The following KCNT2 variants were observed in gnomAD, a reference collection of about 807,000 sequenced individuals.
The protein encoded by KCNT2 is potassium channel subfamily T member 2.
A neutral mutation model predicts 153.8 loss-of-function variants in KCNT2; 67 were observed. That is an observed-to-expected ratio of 0.44 (90% CI 0.36 to 0.53). The LOEUF (loss-of-function observed/expected upper bound fraction) is 0.53, where lower values mean the gene tolerates loss of function less well. KCNT2 is among the 20% of genes least tolerant of loss of function. The probability of loss-of-function intolerance (pLI) is 0.00; values close to 1 mark genes in which losing one functional copy is unlikely to be tolerated. For synonymous variants in KCNT2, 500 were observed against 458.8 expected (o/e 1.09, Z -1.15); for missense variants, 975 against 1,354.8 (o/e 0.72, Z 4.40).
intron 25 of KCNT2, 32 bp from the exon 26 acceptor site, chr1:196,258,526 A>G (rs767241096): frequency 1.5e-6 from 2 of 1,292,324 alleles, no homozygotes; most frequent in Middle Eastern, 3.8e-4. Context: ...ATAATTAGAT[A>G]CTTTAGAAAT....
intron 8 of KCNT2, 58 bp from the exon 9 acceptor site, chr1:196,429,815 A>C: frequency 2.4e-6 from 3 of 1,226,996 alleles, no homozygotes; most frequent in Non-Finnish European, 2.3e-6. Context: ...ATAATTTCTC[A>C]TCATTATTCT....
chr1:196,351,792 A>G (rs1302748169), intron 14 of KCNT2, among the ~76,000 whole-genome samples: 1 of 152,150 alleles, frequency 6.6e-6, no homozygotes, highest in East Asian at 1.9e-4. Flanking sequence ...CAGTTTTCAA[A>G]GGGAATGCTT....
At chr1:196,479,606 T>C (rs1332332341) in intron 4 of KCNT2, among the ~76,000 whole-genome samples, 1 of 152,124 alleles carries the variant, frequency 6.6e-6, no homozygotes, top group Non-Finnish European at 1.5e-5. Flanking sequence ...AAATGGGGTT[T>C]TGCAATGTTG....
intron 13 of KCNT2, among the ~76,000 whole-genome samples, chr1:196,384,274 T>C (rs1032478550): frequency 3.3e-5 from 5 of 152,136 alleles, no homozygotes; most frequent in African/African-American, 1.2e-4. Flanking sequence ...AAGTAAAGTT[T>C]TGTTTGATAA....
rs116220215 is a variant in KCNT2 at position 196,439,911 on chromosome 1, G to C, written c.639-10154C>G. 3.0e-3 allele frequency among the ~76,000 whole-genome samples: 452 copies of C among 151,910 alleles called. 1 individual carries two copies. The highest frequency in any genetic ancestry group is 1.0e-2 in the African/African-American group (414 of 41,486). The stretch of plus-strand genomic sequence containing the variant: ...TCGGTGGGTGTGGGTCAAGGGGAGG[G>C]AGCGCATTACGACAAATACCTAATG... On this transcript the variant is annotated intron_variant, in intron 8 of 27. Coordinates refer to ENST00000294725, the MANE Select transcript of KCNT2 (RefSeq NM_198503.5).
intron 12 of KCNT2, among the ~76,000 whole-genome samples, chr1:196,412,911 CA>C (rs971077569): frequency 3.3e-5 from 5 of 151,072 alleles, no homozygotes; most frequent in African/African-American, 1.2e-4. Context: ...AATGTAACTT[CA>C]AAAATGAAAA....
At chr1:196,570,536 G>A (rs1302684947) in intron 1 of KCNT2, among the ~76,000 whole-genome samples, 1 of 152,036 alleles carries the variant, frequency 6.6e-6, no homozygotes, top group African/African-American at 2.4e-5. Flanking sequence ...TTGAAACTAT[G>A]AGTAGAGAAT....
chr1:196,388,833 C>G (rs528271025), intron 13 of KCNT2, among the ~76,000 whole-genome samples: 1 of 151,764 alleles, frequency 6.6e-6, no homozygotes, highest in East Asian at 1.9e-4. Context: ...ATTAATAAAG[C>G]TAGTTTTACT....
chr1:196,314,662 C>A (rs1260120679), intron 21 of KCNT2, among the ~76,000 whole-genome samples: 1 of 151,510 alleles, frequency 6.6e-6, no homozygotes, highest in African/African-American at 2.4e-5. Context: ...TTATTTTCTG[C>A]AGCATTTTAT....
intron 1 of KCNT2, among the ~76,000 whole-genome samples, chr1:196,564,813 C>T (rs1410154288): frequency 1.3e-5 from 2 of 151,662 alleles, no homozygotes; most frequent in African/African-American, 4.8e-5. Flanking sequence ...AATTCTTATA[C>T]ACAAAATTCA....
At chr1:196,581,514 C>T (rs772322233) in intron 1 of KCNT2, among the ~76,000 whole-genome samples, 7 of 151,802 alleles carry the variant, frequency 4.6e-5, no homozygotes, top group Non-Finnish European at 7.4e-5. Flanking sequence ...TTTTTTCTGT[C>T]CCTTATTCCC....
At chr1:196,312,559 A>T (rs1033055197) in intron 21 of KCNT2, among the ~76,000 whole-genome samples, 30 of 151,890 alleles carry the variant, frequency 2.0e-4, no homozygotes, top group African/African-American at 7.2e-4. Flanking sequence ...TGATACGTGC[A>T]TGCATTGGTT....
chr1:196,608,224 T>C lies in KCNT2; in HGVS notation c.86A>G (p.Asn29Ser), dbSNP rs371208932. 1,897 of 1,613,942 alleles carry C rather than the reference T, an allele frequency of 1.2e-3. 36 individuals carry two copies. In the South Asian group the frequency reaches 0.019, roughly 16 times the overall value. Residue 29 changes from asparagine (N) to serine (S), a missense_variant, in exon 1 of 28, where the codon AAC becomes AGC. Asn to Ser is a conservative substitution (Grantham distance 46, BLOSUM62 1). Around this residue, in one of 6 missense-constraint regions of KCNT2, gnomAD observed 140 missense variants for 216.0 expected, o/e 0.65. Coordinates refer to ENST00000294725, the MANE Select transcript of KCNT2 (RefSeq NM_198503.5). ...CCACCACACCACTCACCTGTCGTCG[T>C]TTTGCCATCCTTGGTCCCCTAGCAG... ...DLLLGDQGWQ[N>S]DDRVQVEFYM...
At chr1:196,307,684 A>G (rs1661764506) in intron 21 of KCNT2, among the ~76,000 whole-genome samples, 1 of 152,152 alleles carries the variant, frequency 6.6e-6, no homozygotes, top group African/African-American at 2.4e-5. Flanking sequence ...TTATGGAGAA[A>G]CATTGTATTA....
At chr1:196,531,820 C>T (rs1654980054) in intron 1 of KCNT2, among the ~76,000 whole-genome samples, 1 of 152,026 alleles carries the variant, frequency 6.6e-6, no homozygotes, top group African/African-American at 2.4e-5. Context: ...AATGTAATTA[C>T]ACTAAAATGT....
chr1:196,289,208 TATC>T (rs1659959388), intron 22 of KCNT2, among the ~76,000 whole-genome samples: 1 of 152,114 alleles, frequency 6.6e-6, no homozygotes, highest in Admixed American at 6.5e-5. Flanking sequence ...AGGCTGGTGT[TATC>T]ATTGCAGCTA....
chr1:196,421,516 C>G (rs942957957), intron 12 of KCNT2, among the ~76,000 whole-genome samples: 1 of 151,958 alleles, frequency 6.6e-6, no homozygotes, highest in Admixed American at 6.6e-5. Flanking sequence ...TTTGGAGTAC[C>G]TACTATGTTG....
At chr1:196,315,797 G>T in intron 21 of KCNT2, 95 bp downstream of exon 21, 1 of 1,017,328 alleles carries the variant, frequency 9.8e-7, no homozygotes. Context: ...TAAAGTTGGT[G>T]TGTCTCATGT....
intron 21 of KCNT2, among the ~76,000 whole-genome samples, chr1:196,308,977 T>C (rs982976063): frequency 6.6e-6 from 1 of 151,966 alleles, no homozygotes; most frequent in Non-Finnish European, 1.5e-5. Context: ...GATAAACACA[T>C]AAAGTAAGAT....
Sources: allele counts gnomAD v4.1 joint callset (sites outside exome capture counted in the v4.1 genomes callset), GRCh38; gene constraint gnomAD v4.1.1; regional missense constraint gnomAD v4.1.1; transcripts MANE v1.5; gene names NCBI Gene and HGNC (gene_info 2026-07-23, HGNC 2026-07-21).